The following ALPK2 variants were observed in gnomAD, a reference collection of about 807,000 sequenced individuals.
ALPK2 encodes alpha-protein kinase 2.
ALPK2 carries 127 observed loss-of-function variants against 163.1 expected under a neutral mutation model. The observed-to-expected ratio is 0.78, with a 90% CI of 0.67 to 0.90. The LOEUF (loss-of-function observed/expected upper bound fraction) is 0.90, where lower values mean the gene tolerates loss of function less well. Among genes scored for constraint, ALPK2 ranks in the 40% least tolerant of loss-of-function variants. The pLI is 0.00. For missense variants in ALPK2, 2,360 were observed against 2,589.6 expected, an observed-to-expected ratio of 0.91 and a Z score of 1.92; for synonymous variants, 953 against 959.1, an observed-to-expected ratio of 0.99 and a Z score of 0.12.
intron 12 of ALPK2, among the ~76,000 whole-genome samples, chr18:58,491,996 A>C (rs1016489957): frequency 6.6e-6 from 1 of 152,266 alleles, no homozygotes; most frequent in Non-Finnish European, 1.5e-5. Context: ...TCCAAGTTGC[A>C]CAGCGAGGGC....
intron 1 of ALPK2, among the ~76,000 whole-genome samples, chr18:58,622,357 T>C (rs1405810923): frequency 6.6e-6 from 1 of 151,836 alleles, no homozygotes; most frequent in African/African-American, 2.4e-5. Context: ...AAAAAAATAA[T>C]TAAATACATA....
At chr18:58,567,377 C>G (rs560624613) in intron 4 of ALPK2, among the ~76,000 whole-genome samples, 26 of 151,960 alleles carry the variant, frequency 1.7e-4, no homozygotes, top group Non-Finnish European at 3.1e-4. Context: ...GAGCAAGACT[C>G]TGCCTCAAAA....
At position 58,579,430 on chromosome 18, in the gene ALPK2, T is replaced by A. The variant is rs777669750; in HGVS notation, c.1346A>T (p.Tyr449Phe). 2.5e-6 allele frequency: 4 copies of A among 1,614,064 alleles called. No homozygotes were observed. Among genetic ancestry groups the A allele is most frequent in the East Asian group, 4.5e-5 (2 of 44,898 alleles). The change falls in exon 4 of 13, where the codon TAT becomes TTT. Residue 449 changes from tyrosine (Y) to phenylalanine (F), a missense_variant. Physicochemically the swap from Tyr to Phe is conservative, Grantham distance 22. Coordinates refer to ENST00000361673, the MANE Select transcript of ALPK2 (RefSeq NM_052947.4). ...GTSSVTEQGR[Y>F]KLPTAPEAAE... ...AGCCTCGGGAGCAGTGGGGAGTTTA[T>A]ATCTCCCCTGTTCTGTCACTGAAGA... is the stretch of plus-strand genomic sequence containing the variant.
intron 4 of ALPK2, among the ~76,000 whole-genome samples, chr18:58,557,525 T>C (rs982371654): frequency 2.0e-5 from 3 of 152,124 alleles, no homozygotes; most frequent in Non-Finnish European, 2.9e-5. Flanking sequence ...GAGCAGGACA[T>C]ATATGGGAAA....
intron 8 of ALPK2, among the ~76,000 whole-genome samples, chr18:58,519,932 A>G (rs368479115): frequency 3.3e-5 from 5 of 152,168 alleles, no homozygotes; most frequent in African/African-American, 9.7e-5. Context: ...CTTTAGACCA[A>G]TCTCTTCCCT....
intron 4 of ALPK2, among the ~76,000 whole-genome samples, chr18:58,545,684 A>T (rs1374331162): frequency 6.6e-6 from 1 of 150,756 alleles, no homozygotes; most frequent in Admixed American, 6.6e-5. Context: ...ACCATGCATA[A>T]TTTTCATTCT....
At chr18:58,530,257 T>C (rs2051606008) in intron 5 of ALPK2, among the ~76,000 whole-genome samples, 2 of 152,212 alleles carry the variant, frequency 1.3e-5, no homozygotes. Context: ...TAAAAGCTAA[T>C]TCTCTACCCT....
At chr18:58,489,099 G>T (rs185519447) in intron 12 of ALPK2, among the ~76,000 whole-genome samples, 1 of 152,198 alleles carries the variant, frequency 6.6e-6, no homozygotes, top group East Asian at 1.9e-4. Context: ...AAACGCGGAG[G>T]GTGCCATTTT....
At position 58,536,154 on chromosome 18, in the gene ALPK2, G is replaced by T; in HGVS notation, c.4033C>A (p.Pro1345Thr). ...QPRLLESSVD[P>T]VDEKELSVTD... ...ACAGATAACTCCTTTTCATCTACAG[G>T]GTCCACGGATGACTCCAGGAGTCTG... Residue 1345 changes from proline to threonine, a missense_variant, in exon 5 of 13, where the codon CCT (proline) becomes ACT (threonine). Physicochemically the swap from Pro to Thr is conservative, Grantham distance 38. Coordinates refer to ENST00000361673, the MANE Select transcript of ALPK2 (RefSeq NM_052947.4). 1 of 1,614,034 alleles carries T rather than the reference G, an allele frequency of 6.2e-7. No individual in the cohort carries two copies. The highest frequency in any genetic ancestry group is 1.1e-5 in the South Asian group (1 of 91,068).
intron 4 of ALPK2, among the ~76,000 whole-genome samples, chr18:58,575,038 A>G (rs1231573728): frequency 3.3e-5 from 5 of 151,774 alleles, no homozygotes; most frequent in Non-Finnish European, 5.9e-5. Context: ...ACATGGAGAA[A>G]CCCCATGTCT....
intron 3 of ALPK2, among the ~76,000 whole-genome samples, chr18:58,585,149 C>A (rs1165727203): frequency 6.6e-6 from 1 of 152,128 alleles, no homozygotes; most frequent in Non-Finnish European, 1.5e-5. Flanking sequence ...GTGGTCTAAA[C>A]CAGAATTTCT....
At chr18:58,593,917 C>A (rs1170710379) in intron 3 of ALPK2, among the ~76,000 whole-genome samples, 1 of 144,546 alleles carries the variant, frequency 6.9e-6, no homozygotes, top group Non-Finnish European at 1.5e-5. Context: ...GAAAAAAATA[C>A]CAGTGCCAGG....
At chr18:58,493,768 C>T (rs939868461) in intron 12 of ALPK2, among the ~76,000 whole-genome samples, 2 of 152,174 alleles carry the variant, frequency 1.3e-5, no homozygotes, top group Non-Finnish European at 2.9e-5. Context: ...CTCGTCGTTC[C>T]TTCCTCCGAG....
intron 12 of ALPK2, among the ~76,000 whole-genome samples, chr18:58,483,508 T>C (rs1320552731): frequency 6.6e-6 from 1 of 151,290 alleles, no homozygotes; most frequent in East Asian, 1.9e-4. Context: ...CTTCCTCCTT[T>C]TTCTAGATAA....
intron 4 of ALPK2, among the ~76,000 whole-genome samples, chr18:58,547,122 A>T (rs1255792504): frequency 2.6e-5 from 4 of 152,116 alleles, no homozygotes; most frequent in Non-Finnish European, 5.9e-5. Context: ...TTCCACAGTA[A>T]AGTAAGAGTT....
intron 3 of ALPK2, among the ~76,000 whole-genome samples, chr18:58,584,021 A>G (rs2051973522): frequency 6.6e-6 from 1 of 152,236 alleles, no homozygotes. Context: ...AGAGAAAACA[A>G]AAAGACTTTT....
intron 12 of ALPK2, among the ~76,000 whole-genome samples, chr18:58,494,381 T>C (rs991698231): frequency 1.7e-4 from 26 of 152,176 alleles, no homozygotes; most frequent in African/African-American, 6.3e-4. Flanking sequence ...AAAAGGAACA[T>C]ACAATGAAGT....
intron 3 of ALPK2, among the ~76,000 whole-genome samples, chr18:58,590,135 C>T (rs890585627): frequency 8.0e-5 from 12 of 150,046 alleles, no homozygotes; most frequent in South Asian, 4.2e-4. Flanking sequence ...GCAGGAGAGT[C>T]GCTTGAACCC....
chr18:58,500,247 A>AC (rs2051424668), intron 11 of ALPK2, among the ~76,000 whole-genome samples: 1 of 127,108 alleles, frequency 7.9e-6, no homozygotes, highest in Admixed American at 7.9e-5. Context: ...TGAAAAAAAA[A>AC]AAAAAAACCC....
Sources: gnomAD v4.1 joint callset for allele counts (sites outside exome capture counted in the v4.1 genomes callset) on GRCh38, gnomAD v4.1.1 for gene constraint, MANE v1.5 for transcripts, NCBI Gene and HGNC (gene_info 2026-07-23, HGNC 2026-07-21) for gene names.